The following ERG variants were observed in gnomAD, a reference collection of about 807,000 sequenced individuals.
ERG encodes ETS transcription factor ERG, also known as transcriptional regulator ERG.
ERG carries 9 observed loss-of-function variants against 55.3 expected under a neutral mutation model. The observed-to-expected ratio is 0.16, with a 90% confidence interval of 0.10 to 0.28. The LOEUF (loss-of-function observed/expected upper bound fraction) is 0.28. Ranked by LOEUF, ERG falls within the 10% of genes least tolerant of loss-of-function variation. The pLI, the probability that ERG is intolerant of heterozygous loss-of-function variation, is 1.00. For missense variants in ERG, 434 were observed against 631.6 expected, an observed-to-expected ratio of 0.69 and a Z score of 3.35; for synonymous variants, 223 against 237.3, an observed-to-expected ratio of 0.94 and a Z score of 0.55.
chr21:38,584,028 C>T (rs2060046718), intron 1 of ERG, among the ~76,000 whole-genome samples: 1 of 152,204 alleles, frequency 6.6e-6, no homozygotes. Flanking sequence ...GCCTCACAGT[C>T]AGGGCATGGC....
chr21:38,622,471 T>C (rs1472267770), intron 1 of ERG, among the ~76,000 whole-genome samples: 1 of 141,802 alleles, frequency 7.1e-6, no homozygotes, highest in Non-Finnish European at 1.5e-5. Context: ...ACCATACACA[T>C]ACATGCCACA....
At chr21:38,517,822 G>A (rs867351469) in intron 2 of ERG, among the ~76,000 whole-genome samples, 13 of 152,174 alleles carry the variant, frequency 8.5e-5, no homozygotes, top group Admixed American at 3.9e-4. Flanking sequence ...GGATGGAACC[G>A]GAGGTCATTA....
intron 2 of ERG, among the ~76,000 whole-genome samples, chr21:38,514,166 A>T (rs1337014690): frequency 3.3e-5 from 5 of 151,678 alleles, no homozygotes; most frequent in African/African-American, 7.2e-5. Flanking sequence ...ATAAAAAAAT[A>T]AAAAAAAGAA....
At chr21:38,499,344 CA>C (rs2059403991), upstream of ERG, among the ~76,000 whole-genome samples, 1 of 152,182 alleles carries the variant, frequency 6.6e-6, no homozygotes, top group South Asian at 2.1e-4. Context: ...AGTTCAGGGT[CA>C]CAGGTCTGTT....
rs150328900 is a variant in ERG at position 38,460,795 on chromosome 21, G to A, written c.19-15174C>T. On this transcript the variant is annotated intron_variant, in intron 1 of 9. Coordinates refer to ENST00000288319, the MANE Select transcript of ERG (RefSeq NM_182918.4). This position sits in a 1 kb window ranked among gnomAD's most constrained non-coding sequence, Gnocchi z 5.0. Reference sequence around the variant, plus strand: ...TGAAATCTCTGTTTACCTGTGGACCGGTGATGGGTGTGAGGCTGTAGGTTT... The same window carrying A: ...TGAAATCTCTGTTTACCTGTGGACCAGTGATGGGTGTGAGGCTGTAGGTTT... 1.4e-4 allele frequency among the ~76,000 whole-genome samples: 22 copies of A among 152,336 alleles called. No homozygotes were observed. Among genetic ancestry groups the A allele is most frequent in the East Asian group, 7.7e-4 (4 of 5,180 alleles).
intron 1 of ERG, chr21:38,471,743 T>C (rs1421881138): frequency 2.0e-5 from 3 of 152,200 alleles, no homozygotes; most frequent in African/African-American, 7.2e-5. Flanking sequence ...GTCTGAGAAT[T>C]TGTGGCCAAA....
chr21:38,489,394 C>T (rs747879483), intron 1 of ERG, among the ~76,000 whole-genome samples: 2 of 152,238 alleles, frequency 1.3e-5, no homozygotes, highest in Non-Finnish European at 2.9e-5. Context: ...GCTTCCTTCA[C>T]TAGAATGCTA....
chr21:38,655,053 T>C (rs571700229), intron 1 of ERG, among the ~76,000 whole-genome samples: 2 of 152,330 alleles, frequency 1.3e-5, no homozygotes, highest in African/African-American at 2.4e-5. Flanking sequence ...TATGTTGAGA[T>C]TGTAAATGTG....
intron 2 of ERG, among the ~76,000 whole-genome samples, chr21:38,567,796 C>A (rs2059932312): frequency 6.6e-6 from 1 of 152,186 alleles, no homozygotes; most frequent in Non-Finnish European, 1.5e-5. Context: ...TCGCCTAATC[C>A]CTTCCTCGCA....
intron 1 of ERG, among the ~76,000 whole-genome samples, chr21:38,580,461 T>G (rs536166692): frequency 1.3e-5 from 2 of 152,332 alleles, no homozygotes; most frequent in South Asian, 4.1e-4. Flanking sequence ...TGTAGGAACC[T>G]TTTTATTTTC....
intron 3 of ERG, among the ~76,000 whole-genome samples, chr21:38,417,880 T>C (rs369468881): frequency 1.3e-5 from 2 of 152,192 alleles, no homozygotes; most frequent in African/African-American, 2.4e-5. Flanking sequence ...AGAGGTCCTA[T>C]TGCATTTTGG....
At chr21:38,570,593 C>T (rs1161412817) in intron 2 of ERG, among the ~76,000 whole-genome samples, 2 of 152,128 alleles carry the variant, frequency 1.3e-5, no homozygotes, top group African/African-American at 4.8e-5. Context: ...AATGTACTAA[C>T]TCGTTTAATC....
At chr21:38,528,432 A>ATTTTT (rs1568885342) in intron 2 of ERG, among the ~76,000 whole-genome samples, 8 of 34,596 alleles carry the variant, frequency 2.3e-4, no homozygotes, top group African/African-American at 3.5e-4. Context: ...GCCATAGCAA[A>ATTTTT]CTTTTTTTTT....
intron 1 of ERG, among the ~76,000 whole-genome samples, chr21:38,496,577 C>T (rs898346679): frequency 1.3e-5 from 2 of 152,150 alleles, no homozygotes; most frequent in African/African-American, 2.4e-5. Flanking sequence ...CACCTGTAGT[C>T]ATTCTAAGGG....
intron 2 of ERG, among the ~76,000 whole-genome samples, chr21:38,544,435 G>A (rs918106042): frequency 2.6e-5 from 4 of 152,128 alleles, no homozygotes; most frequent in African/African-American, 4.8e-5. Context: ...ACAGGATCAC[G>A]GTGACTTGGA....
chr21:38,447,123 G>C (rs1169283469), intron 1 of ERG, among the ~76,000 whole-genome samples: 1 of 151,448 alleles, frequency 6.6e-6, no homozygotes, highest in Admixed American at 6.6e-5. Flanking sequence ...CTACTCTGTC[G>C]CTCGATCCTC....
In ERG at chr21:38,641,439, T is replaced by G. The variant is rs529061464; in HGVS notation, c.-150+20219A>C. Among the ~76,000 whole-genome samples, 10 of 152,348 alleles carry G rather than the reference T, an allele frequency of 6.6e-5. No individual in the cohort carries two copies. The East Asian group carries it at 1.9e-3, about 29-fold the overall frequency. On this transcript the variant is annotated intron_variant, in intron 1 of 10. Transcript: ENST00000398910. ...TAAAGTCTTGTTTATGACCATCCAG[T>G]GTACAGTATTTTGTTATAGCAGCCT... is the stretch of plus-strand genomic sequence containing the variant.
chr21:38,381,763 C>G lies in ERG; in HGVS notation c.*1640G>C. The G allele has an allele frequency of 1.9e-6, 2 of 1,063,360 alleles. No individual in the cohort carries two copies. Among genetic ancestry groups the G allele is most frequent in the Non-Finnish European group, 2.3e-6 (2 of 878,106 alleles). The allele number at this position is 1,063,360 out of a possible 1,614,324, so 65.9% of individuals were successfully genotyped here. On this transcript the variant is annotated 3_prime_UTR_variant, in exon 10 of 10. Transcript: ENST00000288319. ...CCAGCTTCATAGGCCTCTTTCCATT[C>G]CAGGCATAAATATGGAGGCTCCAAT...
intron 1 of ERG, among the ~76,000 whole-genome samples, chr21:38,646,710 G>A (rs1233960338): frequency 9.9e-5 from 15 of 152,030 alleles, no homozygotes; most frequent in Admixed American, 5.2e-4. Flanking sequence ...TGTTCATACC[G>A]GCCCAGTTTT....
Sources: gnomAD v4.1 joint callset for allele counts (sites outside exome capture counted in the v4.1 genomes callset) on GRCh38, gnomAD v4.1.1 for gene constraint, Gnocchi (gnomAD v3.1) non-coding constraint, MANE v1.5 for transcripts, NCBI Gene and HGNC (gene_info 2026-07-23, HGNC 2026-07-21) for gene names.